PTBP2: variants seen among roughly 807,000 people sequenced by gnomAD.
PTBP2 encodes polypyrimidine tract binding protein 2.
In PTBP2, 13 loss-of-function variants were observed where a neutral mutation model predicts 61.4. The ratio of observed to expected loss-of-function variants is 0.21; its 90% CI spans 0.14 to 0.34. The LOEUF (loss-of-function observed/expected upper bound fraction) is 0.34. Among genes scored for constraint, PTBP2 ranks in the 10% least tolerant of loss-of-function variants. The probability of loss-of-function intolerance (pLI) is 1.00; values close to 1 mark genes in which losing one functional copy is unlikely to be tolerated. For synonymous variants in PTBP2, 215 were observed against 218.5 expected (o/e 0.98, Z 0.14); for missense variants, 405 against 642.6 (o/e 0.63, Z 4.00).
intron 7 of PTBP2, among the ~76,000 whole-genome samples, chr1:96,781,660 C>T (rs1658684147): frequency 6.6e-6 from 1 of 151,944 alleles, no homozygotes; most frequent in Admixed American, 6.6e-5. Context: ...TAGATCCCTT[C>T]CTTTCTTAGT....
chr1:96,737,660 G>A (rs1410667045), intron 2 of PTBP2, among the ~76,000 whole-genome samples: 1 of 152,140 alleles, frequency 6.6e-6, no homozygotes, highest in Non-Finnish European at 1.5e-5. Context: ...ACATGTTGAG[G>A]AAGTAAGTAA....
At chr1:96,746,903 C>T (rs1470840824) in intron 2 of PTBP2, among the ~76,000 whole-genome samples, 2 of 55,410 alleles carry the variant, frequency 3.6e-5, no homozygotes, top group African/African-American at 8.9e-5. Context: ...CCCTCCCTCC[C>T]TCCCTCCCTC....
rs993107108 is a variant in PTBP2 at position 96,790,933 on chromosome 1, A to G, written c.904+5679A>G. On this transcript the variant is annotated intron_variant, in intron 8 of 13. Transcript: ENST00000674951. Reference sequence around the variant, plus strand: ...TTTCTCTCAGAAGGAATTCATGCCCATAAAACAAAGACCAGGATACATTCG... The same window carrying G: ...TTTCTCTCAGAAGGAATTCATGCCCGTAAAACAAAGACCAGGATACATTCG... 2.0e-5 allele frequency among the ~76,000 whole-genome samples: 3 copies of G among 152,192 alleles called. No individual in the cohort carries two copies. In the East Asian group the frequency reaches 5.8e-4, roughly 29 times the overall value.
At position 96,804,880 on chromosome 1, in the gene PTBP2, A is replaced by G. The variant is rs750598113; in HGVS notation, c.985A>G (p.Met329Val). The change falls in exon 9 of 14, where the codon ATG (methionine) becomes GTG (valine). Residue 329 changes from methionine (M) to valine (V), a missense_variant. Transcript: ENST00000674951. ...TGCAGCTGCTGCTGGCCGAGTGGGT[A>G]TGCCTGGAGTCTCAGCTGGTGGCAA... Reference protein sequence around the residue: ...AAAAAAGRVGMPGVSAGGNTV... With the variant: ...AAAAAAGRVGVPGVSAGGNTV... The G allele has an allele frequency of 6.8e-6, 11 of 1,611,876 alleles. No individual in the cohort carries two copies. The East Asian group carries it at 1.8e-4, about 26-fold the overall frequency.
At chr1:96,742,926 T>A (rs1392277288) in intron 2 of PTBP2, among the ~76,000 whole-genome samples, 3 of 152,184 alleles carry the variant, frequency 2.0e-5, no homozygotes, top group Non-Finnish European at 4.4e-5. Context: ...ATACTTTCTT[T>A]TCATTATTTT....
chr1:96,776,163 C>G (rs1658010900), intron 5 of PTBP2, among the ~76,000 whole-genome samples: 2 of 151,772 alleles, frequency 1.3e-5, no homozygotes. Flanking sequence ...TAGTGTTTTT[C>G]TAAGTTGTGG....
intron 8 of PTBP2, among the ~76,000 whole-genome samples, chr1:96,800,420 T>G (rs1454895171): frequency 2.0e-5 from 3 of 148,690 alleles, no homozygotes; most frequent in African/African-American, 7.5e-5. Context: ...TTTTTAATGT[T>G]TCAGATCTGT....
intron 2 of PTBP2, among the ~76,000 whole-genome samples, chr1:96,736,359 G>A (rs1652176687): frequency 6.6e-6 from 1 of 151,850 alleles, no homozygotes; most frequent in South Asian, 2.1e-4. Context: ...ATTGATAAGG[G>A]GTTTAAAAAT....
intron 2 of PTBP2, among the ~76,000 whole-genome samples, chr1:96,739,532 C>A (rs1652689798): frequency 6.6e-6 from 1 of 150,640 alleles, no homozygotes; most frequent in African/African-American, 2.4e-5. Flanking sequence ...AAATACCTCA[C>A]ATAAGTGGAA....
intron 11 of PTBP2, among the ~76,000 whole-genome samples, chr1:96,808,676 T>C (rs779262209): frequency 1.3e-5 from 2 of 152,312 alleles, no homozygotes; most frequent in Non-Finnish European, 2.9e-5. Context: ...GTAGGGCTTA[T>C]AATTTTTGGA....
At chr1:96,722,223 C>T (rs1378732331) in intron 1 of PTBP2, among the ~76,000 whole-genome samples, 1 of 152,090 alleles carries the variant, frequency 6.6e-6, no homozygotes, top group South Asian at 2.1e-4. Flanking sequence ...CGATCCGTAC[C>T]TTGGGACCCG....
At chr1:96,767,655 A>T (rs1303114882) in intron 3 of PTBP2, among the ~76,000 whole-genome samples, 1 of 152,088 alleles carries the variant, frequency 6.6e-6, no homozygotes, top group Non-Finnish European at 1.5e-5. Flanking sequence ...TGTGCCCATT[A>T]TGTGTTTTAA....
intron 8 of PTBP2, among the ~76,000 whole-genome samples, chr1:96,804,413 A>T (rs1661310136): frequency 6.6e-6 from 1 of 150,876 alleles, no homozygotes; most frequent in African/African-American, 2.4e-5. Flanking sequence ...GTGAATTACC[A>T]TTATGTCGAA....
intron 8 of PTBP2, among the ~76,000 whole-genome samples, chr1:96,800,995 T>G (rs1192681238): frequency 6.6e-6 from 1 of 152,150 alleles, no homozygotes; most frequent in Non-Finnish European, 1.5e-5. Flanking sequence ...TCTTTAAATT[T>G]TTTTGGTAAG....
At chr1:96,751,325 A>G (rs182316383) in intron 2 of PTBP2, 100 bp from the exon 3 acceptor site, 469 of 932,250 alleles carry the variant, frequency 5.0e-4, no homozygotes, top group Non-Finnish European at 1.0e-4. Flanking sequence ...ATTTTTAACT[A>G]TTCCCAATAG....
chr1:96,810,648 GCTGT>G (rs1172582797), intron 11 of PTBP2, among the ~76,000 whole-genome samples: 1 of 152,024 alleles, frequency 6.6e-6, no homozygotes, highest in East Asian at 1.9e-4. Context: ...TGCTGTTTGT[GCTGT>G]CTTTTTATTT....
chr1:96,811,906 G>C (rs967523422), intron 11 of PTBP2, among the ~76,000 whole-genome samples: 1 of 152,190 alleles, frequency 6.6e-6, no homozygotes, highest in South Asian at 2.1e-4. Context: ...AAATAGTCAT[G>C]TAATGTTCTG....
At chr1:96,762,466 C>A (rs1328081716) in intron 3 of PTBP2, among the ~76,000 whole-genome samples, 4 of 143,428 alleles carry the variant, frequency 2.8e-5, no homozygotes, top group South Asian at 2.2e-4. Flanking sequence ...ACCTCCCTCC[C>A]GGACGGGGCG....
intron 5 of PTBP2, among the ~76,000 whole-genome samples, chr1:96,772,415 A>G (rs1415694414): frequency 2.6e-5 from 4 of 152,172 alleles, no homozygotes; most frequent in Non-Finnish European, 5.9e-5. Flanking sequence ...TTAGAGTTGT[A>G]TGCCAGGAAA....
Sources: gnomAD v4.1 joint callset for allele counts (sites outside exome capture counted in the v4.1 genomes callset) on GRCh38, gnomAD v4.1.1 for gene constraint, MANE v1.5 for transcripts, NCBI Gene and HGNC (gene_info 2026-07-23, HGNC 2026-07-21) for gene names.